The following SF3B2 variants were observed in gnomAD, a reference collection of about 807,000 sequenced individuals.
The protein encoded by SF3B2 is splicing factor 3b subunit 2.
Under a neutral mutation model 116.3 loss-of-function variants are expected in SF3B2, and 22 were observed. The ratio of observed to expected loss-of-function variants is 0.19; its 90% CI spans 0.14 to 0.27. The LOEUF (loss-of-function observed/expected upper bound fraction) is 0.27, where lower values mean the gene tolerates loss of function less well. Among genes scored for constraint, SF3B2 ranks in the 10% least tolerant of loss-of-function variants. The probability of loss-of-function intolerance (pLI) is 1.00; values close to 1 mark genes in which losing one functional copy is unlikely to be tolerated. For missense variants in SF3B2, 767 were observed against 1,151.4 expected, an observed-to-expected ratio of 0.67 and a Z score of 4.83; for synonymous variants, 406 against 421.6, an observed-to-expected ratio of 0.96 and a Z score of 0.45.
At chr11:66,064,044 A>C (rs112806012) in intron 19 of SF3B2, among the ~76,000 whole-genome samples, 37 of 152,348 alleles carry the variant, frequency 2.4e-4, no homozygotes, top group African/African-American at 8.7e-4. Context: ...AGCGCCAGCC[A>C]CAGGATCATC....
At chr11:66,065,723 T>G (rs1246476514) in intron 19 of SF3B2, 3 of 152,200 alleles carry the variant, frequency 2.0e-5, no homozygotes, top group Non-Finnish European at 4.4e-5. Flanking sequence ...AGTTTACTAT[T>G]ATTTTCTTCT....
chr11:66,062,893 A>G (rs938662455), intron 16 of SF3B2, 116 bp from the exon 17 acceptor site: 23 of 551,320 alleles, frequency 4.2e-5, no homozygotes, highest in Non-Finnish European at 6.2e-5. Context: ...TTCTGCAGTC[A>G]TAATTTCCGG....
intron 16 of SF3B2, among the ~76,000 whole-genome samples, 199 bp downstream of exon 16, chr11:66,062,197 G>A (rs1321910921): frequency 1.3e-5 from 2 of 152,110 alleles, no homozygotes; most frequent in African/African-American, 4.8e-5. Flanking sequence ...AAACTGACAT[G>A]CTCATCATAA....
At chr11:66,058,229 C>A in intron 8 of SF3B2, 79 bp downstream of exon 8, 1 of 1,580,240 alleles carries the variant, frequency 6.3e-7, no homozygotes, top group Non-Finnish European at 8.7e-7. Flanking sequence ...TGTCCCTTTC[C>A]CTGGCTCTTG....
At position 66,053,011 on chromosome 11, in the gene SF3B2, C is replaced by G; in HGVS notation, c.181-16C>G. 6.2e-7 allele frequency: 1 copy of G among 1,613,740 alleles called. No individual in the cohort carries two copies. The highest frequency in any genetic ancestry group is 1.1e-5 in the South Asian group (1 of 91,082). On this transcript the variant is annotated splice_polypyrimidine_tract_variant and intron_variant, in intron 2 of 21. Coordinates refer to ENST00000322535, the MANE Select transcript of SF3B2 (RefSeq NM_006842.3). ...AGCTAGTTTTGGACTGACCTAGAGT[C>G]CTTTCTCTTTTGCAGACTGGCATCG...
rs562908314 is a variant in SF3B2 at position 66,059,947 on chromosome 11, G to C, written c.1567G>C (p.Glu523Gln). The C allele has an allele frequency of 6.2e-7, 1 of 1,614,174 alleles. No homozygotes were observed. Among genetic ancestry groups the C allele is most frequent in the Non-Finnish European group, 8.5e-7 (1 of 1,180,032 alleles). ...ACGGGGCATTGAGAAGCCCCCCTTC[G>C]AGCTGCCAGACTTCATCAAACGCAC... ...GKRGIEKPPF[E>Q]LPDFIKRTGI... The change falls in exon 13 of 22, where the codon GAG becomes CAG. Residue 523 changes from glutamate to glutamine, a missense_variant. By Grantham distance (29) the Glu-to-Gln change is conservative. Transcript: ENST00000322535. This position sits in a 1 kb window ranked among gnomAD's most constrained non-coding sequence, Gnocchi z 5.0.
rs925802932 is a variant in SF3B2 at position 66,057,253 on chromosome 11, T to G, written c.668-13T>G. The G allele has an allele frequency of 2.0e-6, 3 of 1,503,242 alleles. No individual in the cohort carries two copies. In the African/African-American group the frequency reaches 4.1e-5, roughly 21 times the overall value. The allele number at this position is 1,503,242 out of a possible 1,614,324, so 93.1% of individuals were successfully genotyped here. ...CCTCTTCTGACATTGGATTTCTTTT[T>G]CCCGTCTCTTAGTAGCTGCTCCAGT... is the stretch of plus-strand genomic sequence containing the variant. On this transcript the variant is annotated splice_polypyrimidine_tract_variant and intron_variant, in intron 6 of 21. Transcript: ENST00000322535.
rs529463069 is a variant in SF3B2, at chr11:66,052,619, G to C, written c.134-54G>C. ...GCGAGGGGCGGAGGCAGGCCGCTGG[G>C]GCCTGACCTGGCCGGGCTGGCCTGC... On this transcript the variant is annotated intron_variant, in intron 1 of 21. Transcript: ENST00000322535. 2.7e-5 allele frequency: 43 copies of C among 1,593,210 alleles called. No individual in the cohort carries two copies. The African/African-American group carries it at 5.4e-4, about 20-fold the overall frequency.
At chr11:66,054,259 T>C (rs929754143) in intron 3 of SF3B2, among the ~76,000 whole-genome samples, 2 of 150,862 alleles carry the variant, frequency 1.3e-5, no homozygotes, top group Non-Finnish European at 2.9e-5. Flanking sequence ...GGGCGATCAC[T>C]TGAGGTCACG....
chr11:66,053,120 T>C lies in SF3B2; in HGVS notation c.258+16T>C. 1.2e-6 allele frequency: 2 copies of C among 1,611,252 alleles called. No individual in the cohort carries two copies. Among genetic ancestry groups the C allele is most frequent in the South Asian group, 2.2e-5 (2 of 91,014 alleles). ...GTCGGCACAGGTAGGGAGATTCTTC[T>C]GTTTTTTAAGATTCCATCTGCTGAT... is the stretch of plus-strand genomic sequence containing the variant. On this transcript the variant is annotated intron_variant, in intron 3 of 21. Transcript: ENST00000322535.
In SF3B2 at chr11:66,057,351, GC is replaced by G; in HGVS notation, c.758del (p.Pro253LeufsTer27). 16 of 1,450,914 alleles carry G rather than the reference GC, an allele frequency of 1.1e-5. No homozygotes were observed. The highest frequency in any genetic ancestry group is 1.5e-5 in the Non-Finnish European group (15 of 1,030,958). The allele number at this position is 1,450,914 out of a possible 1,614,324, so 89.9% of individuals were successfully genotyped here. ...PVPRPRGPPP[P>X]PGDENREMDD... ...TTCCCCGGCCTCGTGGTCCCCCACC[GC>G]CCCCTGGAGATGAGAACAGAGAGGT... On this transcript the variant is annotated frameshift_variant, in exon 7 of 22. Coordinates refer to ENST00000322535, the MANE Select transcript of SF3B2 (RefSeq NM_006842.3). LOFTEE classifies it high-confidence loss of function.
rs567238400 is a variant in SF3B2 at position 66,059,429 on chromosome 11, A to G, written c.1321-86A>G. 2 of 1,609,054 alleles carry G rather than the reference A, an allele frequency of 1.2e-6. No individual in the cohort carries two copies. The highest frequency in any genetic ancestry group is 2.2e-5 in the East Asian group (1 of 44,846). On this transcript the variant is annotated intron_variant, in intron 11 of 21. Coordinates refer to ENST00000322535, the MANE Select transcript of SF3B2 (RefSeq NM_006842.3). This position sits in a 1 kb window ranked among gnomAD's most constrained non-coding sequence, Gnocchi z 5.0. ...GAGGGACCATGGTGAACTCTTACAG[A>G]GCTTTGGTGGCTTAAGGTTGGGGTG...
chr11:66,068,159 G>A lies in SF3B2; in HGVS notation c.2442G>A (p.Arg814=). ...HIYDMSTVMS[R]KGPAPELQGV... ...GATCTCCTTTCCAGGTTATGAGCCG[G>A]AAGGGCCCGGCTCCTGAGCTGCAAG... The change falls in exon 21 of 22, where the codon CGG becomes CGA. Residue 814 remains arginine, a synonymous_variant. Transcript: ENST00000322535. 6.2e-7 allele frequency: 1 copy of A among 1,614,190 alleles called. No homozygotes were observed. Among genetic ancestry groups the A allele is most frequent in the Non-Finnish European group, 8.5e-7 (1 of 1,180,040 alleles).
rs773640973 is a variant in SF3B2 at position 66,068,692 on chromosome 11, C to T, written c.2635C>T (p.Gln879Ter). ...AKQKQKKRKAQPQDSRGGSKK... is the reference protein window; with the variant it reads ...AKQKQKKRKA Reference sequence around the variant, plus strand: ...TATACAGCAAAAAAAACGGAAAGCTCAGCCCCAGGACAGCCGTGGGGGCAG... The same window carrying T: ...TATACAGCAAAAAAAACGGAAAGCTTAGCCCCAGGACAGCCGTGGGGGCAG... Residue 879 changes from glutamine to a stop codon, truncating the protein, a stop_gained, in exon 22 of 22, where the codon CAG (glutamine) becomes TAG (stop). Transcript: ENST00000322535. LOFTEE classifies it high-confidence loss of function. The T allele has an allele frequency of 6.2e-7, 1 of 1,614,104 alleles. No individual in the cohort carries two copies. Among genetic ancestry groups the T allele is most frequent in the Non-Finnish European group, 8.5e-7 (1 of 1,179,998 alleles).
Position 66,059,860 on chromosome 11 carries a change from A to G in SF3B2, c.1480A>G (p.Thr494Ala). 1 of 1,614,196 alleles carries G rather than the reference A, an allele frequency of 6.2e-7. No homozygotes were observed. Among genetic ancestry groups the G allele is most frequent in the Non-Finnish European group, 8.5e-7 (1 of 1,180,036 alleles). Residue 494 changes from threonine to alanine, a missense_variant, in exon 13 of 22, where the codon ACT becomes GCT. By Grantham distance (58) the Thr-to-Ala change is moderately conservative (BLOSUM62 0). Transcript: ENST00000322535. The surrounding 1 kb of genome is among the most constrained non-coding windows in gnomAD (Gnocchi z 5.0). ...DPKLLVHLKATRNSVPVPRHW... is the reference protein window; with the variant it reads ...DPKLLVHLKAARNSVPVPRHW... ...TAAGCTCTTGGTTCACCTCAAGGCC[A>G]CTCGGAACTCTGTGCCTGTGCCACG...
At chr11:66,055,416 GTCGGGACTAAAGA>G in intron 4 of SF3B2, 101 bp downstream of exon 4, 1 of 1,592,456 alleles carries the variant, frequency 6.3e-7, no homozygotes, top group Non-Finnish European at 8.6e-7. Flanking sequence ...TTCTGGGAAG[GTCGGGACTAAAGA>G]TTGGAACATG....
Position 66,059,408 on chromosome 11 carries a change from G to C in SF3B2, c.1320+70G>C. ...GGTGGCTGAGATGCATCCAGAGAGGGACCATGGTGAACTCTTACAGAGCTT... is the reference window on the plus strand; with the variant it reads ...GGTGGCTGAGATGCATCCAGAGAGGCACCATGGTGAACTCTTACAGAGCTT... On this transcript the variant is annotated intron_variant, in intron 11 of 21. Coordinates refer to ENST00000322535, the MANE Select transcript of SF3B2 (RefSeq NM_006842.3). This position sits in a 1 kb window ranked among gnomAD's most constrained non-coding sequence, Gnocchi z 5.0. 1 of 1,610,658 alleles carries C rather than the reference G, an allele frequency of 6.2e-7. No homozygotes were observed. The highest frequency in any genetic ancestry group is 8.5e-7 in the Non-Finnish European group (1 of 1,177,272).
chr11:66,060,794 TTTTG>T lies in SF3B2; in HGVS notation c.1779+79_1779+82del, dbSNP rs201094876. On this transcript the variant is annotated intron_variant, in intron 14 of 21. Coordinates refer to ENST00000322535, the MANE Select transcript of SF3B2 (RefSeq NM_006842.3). ...GGGGTTGAGACTGTCTAGGGCTTTTTTTTGTTTGTTTGTTTGTTTAAAAAAGATG... is the reference window on the plus strand; with the variant it reads ...GGGGTTGAGACTGTCTAGGGCTTTTTTTTGTTTGTTTGTTTAAAAAAGATG... 1.6e-3 allele frequency: 2,516 copies of T among 1,533,000 alleles called. 14 individuals carry two copies. In the Middle Eastern group the frequency reaches 0.017, roughly 10 times the overall value. 95.0% of individuals were successfully genotyped at this position (1,533,000 alleles called of 1,614,324 possible). A position where few individuals can be genotyped will look rare whatever the true frequency, so the allele number is the denominator to read the frequency against.
At chr11:66,061,640 C>T in intron 14 of SF3B2, 46 bp from the exon 15 acceptor site, 2 of 1,421,334 alleles carry the variant, frequency 1.4e-6, no homozygotes, top group South Asian at 1.2e-5. Flanking sequence ...TGTGCTCCCA[C>T]TGAGTGTCTG....
Sources: allele counts gnomAD v4.1 joint callset (sites outside exome capture counted in the v4.1 genomes callset), GRCh38; gene constraint gnomAD v4.1.1; non-coding constraint Gnocchi (gnomAD v3.1); transcripts MANE v1.5; gene names NCBI Gene and HGNC (gene_info 2026-07-23, HGNC 2026-07-21).